SCAPER: variants seen among roughly 807,000 people sequenced by gnomAD.
The protein encoded by SCAPER is S-phase cyclin A associated protein in the ER.
Under a neutral mutation model 182.2 loss-of-function variants are expected in SCAPER, and 98 were observed. The ratio of observed to expected loss-of-function variants is 0.54; its 90% CI spans 0.46 to 0.64. The LOEUF (loss-of-function observed/expected upper bound fraction) is 0.64. SCAPER is among the 30% of genes least tolerant of loss of function. The pLI is 0.00. For missense variants in SCAPER, 1,432 were observed against 1,690.0 expected (o/e 0.85, Z 2.68); for synonymous variants, 605 against 564.6 (o/e 1.07, Z -1.01).
chr15:76,539,581 G>C (rs963363977), intron 23 of SCAPER, among the ~76,000 whole-genome samples: 1 of 117,278 alleles, frequency 8.5e-6, no homozygotes, highest in Non-Finnish European at 1.6e-5. Flanking sequence ...GAGTCTCACT[G>C]TCTCCCAGGC....
chr15:76,856,812 T>G (rs1302195514), intron 4 of SCAPER, among the ~76,000 whole-genome samples: 4 of 152,062 alleles, frequency 2.6e-5, no homozygotes, highest in African/African-American at 9.7e-5. Flanking sequence ...AGTCATTCTG[T>G]GAGCTCTGAT....
At chr15:76,653,371 A>C (rs1003333285) in intron 21 of SCAPER, among the ~76,000 whole-genome samples, 2 of 152,224 alleles carry the variant, frequency 1.3e-5, no homozygotes, top group Non-Finnish European at 2.9e-5. Context: ...ATGATTCTAA[A>C]ATTCATATGG....
intron 17 of SCAPER, among the ~76,000 whole-genome samples, chr15:76,720,174 G>A (rs2060132931): frequency 2.0e-5 from 3 of 148,320 alleles, no homozygotes; most frequent in Non-Finnish European, 4.4e-5. Flanking sequence ...GTGAGAACAT[G>A]TGGTGTTCGG....
At chr15:76,407,329 C>T (rs538148140) in intron 26 of SCAPER, among the ~76,000 whole-genome samples, 112 of 152,192 alleles carry the variant, frequency 7.4e-4, no homozygotes, top group African/African-American at 2.5e-3. Flanking sequence ...AGAAAGGGTA[C>T]AGTAAAAATA....
intron 20 of SCAPER, among the ~76,000 whole-genome samples, chr15:76,689,159 T>C (rs2058208827): frequency 6.7e-6 from 1 of 150,024 alleles, no homozygotes; most frequent in African/African-American, 2.5e-5. Context: ...AAATGCCTCT[T>C]TCTTAAAAAG....
At chr15:76,569,829 A>T (rs1372024394) in intron 23 of SCAPER, among the ~76,000 whole-genome samples, 1 of 151,560 alleles carries the variant, frequency 6.6e-6, no homozygotes, top group African/African-American at 2.4e-5. Flanking sequence ...TGTAATTTTT[A>T]TTACTAAAAT....
chr15:76,566,672 A>T (rs1420547905), intron 23 of SCAPER, among the ~76,000 whole-genome samples: 1 of 152,110 alleles, frequency 6.6e-6, no homozygotes, highest in African/African-American at 2.4e-5. Context: ...ACTAAGGAAA[A>T]TACTTTTGCA....
intron 21 of SCAPER, among the ~76,000 whole-genome samples, chr15:76,643,939 G>A (rs1056444586): frequency 2.6e-5 from 4 of 152,168 alleles, no homozygotes; most frequent in Admixed American, 6.5e-5. Context: ...GATTCCAGAT[G>A]ATTGTGATGC....
At chr15:76,592,834 G>C (rs2049225804) in intron 22 of SCAPER, among the ~76,000 whole-genome samples, 1 of 122,076 alleles carries the variant, frequency 8.2e-6, no homozygotes, top group East Asian at 2.2e-4. Flanking sequence ...CGCAGACCAG[G>C]AGATTCCCTT....
At chr15:76,885,399 C>T (rs1175479489) in intron 1 of SCAPER, among the ~76,000 whole-genome samples, 1 of 152,212 alleles carries the variant, frequency 6.6e-6, no homozygotes, top group African/African-American at 2.4e-5. Context: ...GGGCTTTATA[C>T]CTGTTGGACC....
intron 5 of SCAPER, among the ~76,000 whole-genome samples, chr15:76,821,523 GA>G: frequency 6.6e-6 from 1 of 152,316 alleles, no homozygotes; most frequent in Non-Finnish European, 1.5e-5. Flanking sequence ...TAGAGAGGCT[GA>G]GGTTGGGGGG....
At chr15:76,586,112 T>C (rs555395244) in intron 22 of SCAPER, among the ~76,000 whole-genome samples, 27 of 152,316 alleles carry the variant, frequency 1.8e-4, no homozygotes, top group African/African-American at 4.8e-4. Flanking sequence ...AAGTCTGTCA[T>C]TGGTAAATAT....
chr15:76,577,386 G>T (rs780747444), intron 22 of SCAPER, among the ~76,000 whole-genome samples: 9 of 152,170 alleles, frequency 5.9e-5, no homozygotes, highest in Non-Finnish European at 8.8e-5. Flanking sequence ...GATCAAGGCT[G>T]CAGTGAGCTA....
At position 76,764,989 on chromosome 15, in the gene SCAPER, G is replaced by T; in HGVS notation, c.1697C>A (p.Thr566Lys). 1 of 1,599,672 alleles carries T rather than the reference G, an allele frequency of 6.3e-7. No homozygotes were observed. Reference protein sequence around the residue: ...QLREKLREEKTLKLQKLLERE... With the variant: ...QLREKLREEKKLKLQKLLERE... ...TTCTAACAATTTCTGAAGCTTCAAT[G>T]TTTTCTCTTCGCGTAACTTTTCCCT... Residue 566 changes from threonine to lysine, a missense_variant, in exon 14 of 32, where the codon ACA becomes AAA. Around this residue, in one of 5 missense-constraint regions of SCAPER, gnomAD observed 128 missense variants for 149.9 expected, o/e 0.85. Coordinates refer to ENST00000563290, the MANE Select transcript of SCAPER (RefSeq NM_020843.4).
chr15:76,397,504 G>C (rs566721203), intron 27 of SCAPER, among the ~76,000 whole-genome samples: 1 of 123,102 alleles, frequency 8.1e-6, no homozygotes, highest in African/African-American at 2.8e-5. Context: ...TTTTGAGACG[G>C]AGTTTCACTC....
At chr15:76,673,956 C>T (rs1487697775) in intron 20 of SCAPER, among the ~76,000 whole-genome samples, 2 of 30,530 alleles carry the variant, frequency 6.6e-5, no homozygotes, top group Middle Eastern at 0.029. Context: ...TATCTATACA[C>T]ACACACACAC....
At chr15:76,613,042 C>A (rs560701930) in intron 22 of SCAPER, among the ~76,000 whole-genome samples, 1 of 152,178 alleles carries the variant, frequency 6.6e-6, no homozygotes, top group Non-Finnish European at 1.5e-5. Flanking sequence ...GCTACAGTAA[C>A]CAAAACAGCA....
intron 22 of SCAPER, among the ~76,000 whole-genome samples, chr15:76,591,296 C>T (rs1180547856): frequency 2.0e-5 from 3 of 148,576 alleles, no homozygotes; most frequent in Admixed American, 2.0e-4. Flanking sequence ...GTGCAGGCTG[C>T]ACGCCCAGGA....
At chr15:76,745,732 A>G (rs986836305) in intron 15 of SCAPER, among the ~76,000 whole-genome samples, 18 of 152,202 alleles carry the variant, frequency 1.2e-4, no homozygotes, top group African/African-American at 4.3e-4. Flanking sequence ...GCTTAATAAA[A>G]TCATATTGAA....
Sources: gnomAD v4.1 joint callset for allele counts (sites outside exome capture counted in the v4.1 genomes callset) on GRCh38, gnomAD v4.1.1 for gene constraint, gnomAD v4.1.1 regional missense constraint, MANE v1.5 for transcripts, NCBI Gene and HGNC (gene_info 2026-07-23, HGNC 2026-07-21) for gene names.